KATNAL1: variants seen among roughly 807,000 people sequenced by gnomAD.
The protein encoded by KATNAL1 is katanin catalytic subunit A1 like 1.
KATNAL1 carries 32 observed loss-of-function variants against 55.2 expected under a neutral mutation model. The observed-to-expected ratio is 0.58, with a 90% CI of 0.44 to 0.78. The LOEUF (loss-of-function observed/expected upper bound fraction) is 0.78. Among genes scored for constraint, KATNAL1 ranks in the 30% least tolerant of loss-of-function variants. The pLI is 0.00. For synonymous variants in KATNAL1, 193 were observed against 193.6 expected (o/e 1.00, Z 0.02); for missense variants, 466 against 600.9 (o/e 0.78, Z 2.35).
At chr13:30,302,457 A>G (rs1251812130) in intron 1 of KATNAL1, among the ~76,000 whole-genome samples, 1 of 151,776 alleles carries the variant, frequency 6.6e-6, no homozygotes, top group African/African-American at 2.4e-5. Flanking sequence ...AAAAACAGTC[A>G]CTACTGATTC....
At chr13:30,225,060 C>T (rs573034293) in intron 9 of KATNAL1, among the ~76,000 whole-genome samples, 1 of 152,320 alleles carries the variant, frequency 6.6e-6, no homozygotes, top group Non-Finnish European at 1.5e-5. Context: ...GTTTCTGCCA[C>T]ATTTCTTCCT....
intron 3 of KATNAL1, among the ~76,000 whole-genome samples, chr13:30,270,693 T>TA: frequency 6.6e-6 from 1 of 151,484 alleles, no homozygotes; most frequent in Non-Finnish European, 1.5e-5. Context: ...TGTGCTTTGT[T>TA]AAACAGATGC....
intron 1 of KATNAL1, among the ~76,000 whole-genome samples, chr13:30,284,195 T>G (rs1226559409): frequency 6.6e-6 from 1 of 152,154 alleles, no homozygotes; most frequent in Non-Finnish European, 1.5e-5. Flanking sequence ...GTTACCATTC[T>G]TTGAGGTTAT....
chr13:30,215,440 A>C (rs1874121538), intron 9 of KATNAL1, among the ~76,000 whole-genome samples: 1 of 152,192 alleles, frequency 6.6e-6, no homozygotes, highest in Non-Finnish European at 1.5e-5. Context: ...TACCCAAAGG[A>C]CTATAAATCA....
intron 3 of KATNAL1, among the ~76,000 whole-genome samples, chr13:30,274,906 C>CGCGT (rs1880711027): frequency 1.3e-5 from 1 of 77,282 alleles, no homozygotes; most frequent in African/African-American, 5.7e-5. Flanking sequence ...CGCGCGCGCG[C>CGCGT]GCACACACAC....
chr13:30,305,646 A>T (rs1883130619), intron 1 of KATNAL1, among the ~76,000 whole-genome samples: 1 of 152,260 alleles, frequency 6.6e-6, no homozygotes, highest in African/African-American at 2.4e-5. Flanking sequence ...GGATTAAGTA[A>T]GGAGTTGCAT....
intron 3 of KATNAL1, among the ~76,000 whole-genome samples, chr13:30,259,394 C>G (rs1441346237): frequency 1.3e-5 from 2 of 152,042 alleles, no homozygotes; most frequent in African/African-American, 4.8e-5. Flanking sequence ...AGGAACAGCT[C>G]CGGTCTACAG....
intron 1 of KATNAL1, among the ~76,000 whole-genome samples, chr13:30,298,945 A>C (rs935519360): frequency 1.3e-5 from 2 of 152,326 alleles, no homozygotes; most frequent in Middle Eastern, 3.4e-3. Context: ...AACTAACAGA[A>C]GACAATAATT....
At position 30,307,392 on chromosome 13, in the gene KATNAL1, C is replaced by CA. The variant is rs1883250427; in HGVS notation, c.-77dup. ...GTCCAGATGGGGTGCGGGTGGGGCGCAGGCCGCCGCCGCCGCCGCCGCCGA... is the reference window on the plus strand; with the variant it reads ...GTCCAGATGGGGTGCGGGTGGGGCGCAAGGCCGCCGCCGCCGCCGCCGCCGA... On this transcript the variant is annotated 5_prime_UTR_variant, in exon 1 of 11. Transcript: ENST00000380615. The CA allele has an allele frequency of 2.6e-5, 4 of 151,138 alleles. No individual in the cohort carries two copies. The highest frequency in any genetic ancestry group is 5.8e-5 in the Non-Finnish European group (4 of 68,710). The allele number at this position is 151,138 out of a possible 1,614,324, so 9.4% of individuals were successfully genotyped here.
At chr13:30,276,822 ACTT>A (rs2137522099) in intron 3 of KATNAL1, among the ~76,000 whole-genome samples, 1 of 152,288 alleles carries the variant, frequency 6.6e-6, no homozygotes, top group South Asian at 2.1e-4. Context: ...GATGAAAGAG[ACTT>A]GGGTTCAAAT....
intron 1 of KATNAL1, among the ~76,000 whole-genome samples, chr13:30,303,095 T>C (rs1882962410): frequency 6.6e-6 from 1 of 152,242 alleles, no homozygotes; most frequent in Non-Finnish European, 1.5e-5. Flanking sequence ...GGCTGCCTAA[T>C]AGGAGCTTTT....
intron 1 of KATNAL1, among the ~76,000 whole-genome samples, chr13:30,299,200 C>G (rs1271741929): frequency 6.6e-6 from 1 of 151,968 alleles, no homozygotes; most frequent in Non-Finnish European, 1.5e-5. Flanking sequence ...TGATAAAGGC[C>G]ACATAAAAAT....
At chr13:30,268,785 C>T (rs1879979959) in intron 3 of KATNAL1, among the ~76,000 whole-genome samples, 1 of 152,092 alleles carries the variant, frequency 6.6e-6, no homozygotes, top group Non-Finnish European at 1.5e-5. Context: ...TAGTGAAATG[C>T]AAGAAATGGT....
chr13:30,255,433 A>G lies in KATNAL1; in HGVS notation c.492+14T>C. The G allele has an allele frequency of 6.7e-7, 1 of 1,490,336 alleles. No homozygotes were observed. The highest frequency in any genetic ancestry group is 1.4e-5 in the South Asian group (1 of 71,366). 92.3% of individuals were successfully genotyped at this position (1,490,336 alleles called of 1,614,324 possible). On this transcript the variant is annotated intron_variant, in intron 4 of 10. Transcript: ENST00000380615. ...GGCTTCAAGTGAGTGAATTACAGAA[A>G]GACAGCATCTTGCCTTGTCATCTCT... is the stretch of plus-strand genomic sequence containing the variant.
rs1313030489 is a variant in KATNAL1 at position 30,204,075 on chromosome 13, G to GACAT, written c.*4461_*4464dup. 1 of 151,986 alleles carries GACAT rather than the reference G, an allele frequency of 6.6e-6. No individual in the cohort carries two copies. The highest frequency in any genetic ancestry group is 2.4e-5 in the African/African-American group (1 of 41,376). The allele number at this position is 151,986 out of a possible 1,614,324, so 9.4% of individuals were successfully genotyped here. ...TATAATTTCTGCTTTTTCCTATTGT[G>GACAT]ACATATTCTCAGGTTCACACAAATA... On this transcript the variant is annotated 3_prime_UTR_variant, in exon 11 of 11. Transcript: ENST00000380615.
At chr13:30,260,054 G>A (rs941791389) in intron 3 of KATNAL1, among the ~76,000 whole-genome samples, 16 of 152,190 alleles carry the variant, frequency 1.1e-4, no homozygotes, top group Admixed American at 1.0e-3. Flanking sequence ...TCCTCAAGTG[G>A]GTCCCTGACC....
intron 3 of KATNAL1, among the ~76,000 whole-genome samples, chr13:30,262,578 A>G (rs1417678421): frequency 6.6e-6 from 1 of 152,208 alleles, no homozygotes; most frequent in Non-Finnish European, 1.5e-5. Context: ...CCATCAGAGA[A>G]TACTATAAAC....
At chr13:30,290,873 T>C (rs1490641301) in intron 1 of KATNAL1, among the ~76,000 whole-genome samples, 1 of 152,078 alleles carries the variant, frequency 6.6e-6, no homozygotes, top group Non-Finnish European at 1.5e-5. Context: ...ATCATCTCAA[T>C]AGATACAGAA....
At chr13:30,211,100 T>A (rs772311381) in intron 9 of KATNAL1, among the ~76,000 whole-genome samples, 78 of 152,218 alleles carry the variant, frequency 5.1e-4, no homozygotes, top group Non-Finnish European at 7.9e-4. Context: ...TAGTGGCAAA[T>A]CTGCTTAGCA....
Sources: gnomAD v4.1 joint callset for allele counts (sites outside exome capture counted in the v4.1 genomes callset) on GRCh38, gnomAD v4.1.1 for gene constraint, MANE v1.5 for transcripts, NCBI Gene and HGNC (gene_info 2026-07-23, HGNC 2026-07-21) for gene names.